Variants in AGBL4 observed in about 807,000 individuals in gnomAD.
AGBL4 encodes cytosolic carboxypeptidase 6.
AGBL4 carries 58 observed loss-of-function variants against 66.4 expected under a neutral mutation model. The ratio of observed to expected loss-of-function variants is 0.87; its 90% CI spans 0.71 to 1.09. AGBL4 has a LOEUF of 1.09. Among genes scored for constraint, AGBL4 ranks in the 50% least tolerant of loss-of-function variants. The probability of loss-of-function intolerance (pLI) is 0.00; values close to 1 mark genes in which losing one functional copy is unlikely to be tolerated. For missense variants in AGBL4, 579 were observed against 631.0 expected, an observed-to-expected ratio of 0.92 and a Z score of 0.88; for synonymous variants, 234 against 222.9, an observed-to-expected ratio of 1.05 and a Z score of -0.44.
intron 4 of AGBL4, among the ~76,000 whole-genome samples, chr1:49,107,692 T>TGAGAGAGAGA (rs1479107593): frequency 2.5e-4 from 30 of 117,816 alleles, no homozygotes; most frequent in African/African-American, 9.3e-4. Context: ...TGTGTGTGTG[T>TGAGAGAGAGA]GTGAGAGAGA....
chr1:49,486,713 G>A (rs1285922285), intron 3 of AGBL4, among the ~76,000 whole-genome samples: 2 of 151,906 alleles, frequency 1.3e-5, no homozygotes, highest in Non-Finnish European at 2.9e-5. Context: ...CTAGAAAAAC[G>A]TCGGCGTAAG....
At chr1:49,396,745 C>G (rs1644982933) in intron 3 of AGBL4, among the ~76,000 whole-genome samples, 1 of 152,132 alleles carries the variant, frequency 6.6e-6, no homozygotes, top group Non-Finnish European at 1.5e-5. Flanking sequence ...TCACTGTTGG[C>G]AAACTATTTG....
At chr1:48,963,606 C>T (rs2148943635) in intron 5 of AGBL4, among the ~76,000 whole-genome samples, 1 of 151,840 alleles carries the variant, frequency 6.6e-6, no homozygotes, top group Admixed American at 6.6e-5. Context: ...CCCATAGGGG[C>T]TCCTGAAGGT....
intron 2 of AGBL4, among the ~76,000 whole-genome samples, chr1:49,726,168 G>A (rs1293902149): frequency 2.0e-5 from 3 of 152,134 alleles, no homozygotes; most frequent in Non-Finnish European, 4.4e-5. Context: ...ATCAGATCAA[G>A]GTGGTTGGGA....
chr1:49,398,014 T>G (rs1378839419), intron 3 of AGBL4, among the ~76,000 whole-genome samples: 1 of 151,894 alleles, frequency 6.6e-6, no homozygotes, highest in Non-Finnish European at 1.5e-5. Context: ...TAAAGTACTT[T>G]GTTTGTCTTG....
At chr1:49,532,642 G>T (rs1651230987) in intron 3 of AGBL4, among the ~76,000 whole-genome samples, 1 of 152,014 alleles carries the variant, frequency 6.6e-6, no homozygotes. Context: ...ATTACATTTA[G>T]TTTAATATAC....
In AGBL4 at chr1:49,048,043, T is replaced by C. The variant is rs114610393; in HGVS notation, c.378-2243A>G. ...CTGGTGGCATACACGAGTCCCAGGG[T>C]TCCCGATTTGTATTTGGGGAGAATG... On this transcript the variant is annotated intron_variant, in intron 4 of 13. Transcript: ENST00000371839. 2.9e-3 allele frequency among the ~76,000 whole-genome samples: 447 copies of C among 152,148 alleles called. 3 individuals carry two copies. The highest frequency in any genetic ancestry group is 0.01 in the African/African-American group (432 of 41,530).
intron 6 of AGBL4, among the ~76,000 whole-genome samples, chr1:48,711,208 G>A (rs546954663): frequency 6.6e-6 from 1 of 152,198 alleles, no homozygotes; most frequent in African/African-American, 2.4e-5. Flanking sequence ...GCACTCTTGG[G>A]GGGCTGTGGA....
At position 48,826,575 on chromosome 1, in the gene AGBL4, G is replaced by A. The variant is rs562826468; in HGVS notation, c.634+40616C>T. ...GATGAACTTCAGGTTAAGAAAATTT[G>A]GAAATGGCCTCATGGCCCAAGAAAG... is the stretch of plus-strand genomic sequence containing the variant. On this transcript the variant is annotated intron_variant, in intron 6 of 13. Transcript: ENST00000371839. Among the ~76,000 whole-genome samples the A allele has an allele frequency of 1.3e-4, 20 of 152,278 alleles. No individual in the cohort carries two copies. In the South Asian group the frequency reaches 1.5e-3, roughly 11 times the overall value.
chr1:49,872,017 C>T (rs962301106), intron 1 of AGBL4, among the ~76,000 whole-genome samples: 8 of 152,030 alleles, frequency 5.3e-5, no homozygotes, highest in African/African-American at 1.9e-4. Flanking sequence ...AGAGCTGATG[C>T]ATTCATGAGG....
chr1:48,645,346 G>T (rs1345929158), intron 8 of AGBL4, among the ~76,000 whole-genome samples: 1 of 152,198 alleles, frequency 6.6e-6, no homozygotes, highest in South Asian at 2.1e-4. Context: ...CCTCTCTGTG[G>T]CTTGGTTTCT....
chr1:49,145,409 T>C (rs960781742), intron 4 of AGBL4, among the ~76,000 whole-genome samples: 3 of 152,246 alleles, frequency 2.0e-5, no homozygotes, highest in Non-Finnish European at 4.4e-5. Flanking sequence ...TGAGTATCCA[T>C]TGTATGGAAT....
At chr1:48,763,666 C>A (rs928640262) in intron 6 of AGBL4, among the ~76,000 whole-genome samples, 1 of 152,168 alleles carries the variant, frequency 6.6e-6, no homozygotes, top group Non-Finnish European at 1.5e-5. Flanking sequence ...TGCCTTCCTG[C>A]GCTGAAACTC....
intron 8 of AGBL4, among the ~76,000 whole-genome samples, chr1:48,641,800 A>G (rs1049670351): frequency 1.3e-5 from 2 of 152,134 alleles, no homozygotes; most frequent in African/African-American, 4.8e-5. Flanking sequence ...TCTAAAGCCT[A>G]TGTTCTTAGC....
chr1:49,453,332 T>C (rs1192312451), intron 3 of AGBL4, among the ~76,000 whole-genome samples: 1 of 151,852 alleles, frequency 6.6e-6, no homozygotes, highest in Non-Finnish European at 1.5e-5. Context: ...AAATATCCTC[T>C]ATAATGACTC....
chr1:49,939,610 C>T (rs1363696096), intron 1 of AGBL4, among the ~76,000 whole-genome samples: 1 of 152,114 alleles, frequency 6.6e-6, no homozygotes, highest in Admixed American at 6.5e-5. Flanking sequence ...GGAAAGGATT[C>T]CCTATTTAAT....
At chr1:48,786,961 A>T (rs1231126273) in intron 6 of AGBL4, among the ~76,000 whole-genome samples, 1 of 152,206 alleles carries the variant, frequency 6.6e-6, no homozygotes, top group Non-Finnish European at 1.5e-5. Context: ...ACCTTTCAGG[A>T]ATGCTTGCCT....
chr1:49,800,409 C>T (rs1323623925), intron 2 of AGBL4, among the ~76,000 whole-genome samples: 3 of 144,202 alleles, frequency 2.1e-5, no homozygotes, highest in African/African-American at 7.8e-5. Context: ...TACATGTGCA[C>T]ATTGTGCAGG....
At chr1:49,989,106 C>T (rs1293099439) in intron 1 of AGBL4, among the ~76,000 whole-genome samples, 4 of 152,130 alleles carry the variant, frequency 2.6e-5, no homozygotes, top group African/African-American at 9.7e-5. Context: ...GACGGAGCTA[C>T]CATTCAAATC....
Sources: gnomAD v4.1 joint callset for allele counts (sites outside exome capture counted in the v4.1 genomes callset) on GRCh38, gnomAD v4.1.1 for gene constraint, MANE v1.5 for transcripts, NCBI Gene and HGNC (gene_info 2026-07-23, HGNC 2026-07-21) for gene names.